The following SLC2A11 variants were observed in gnomAD, a reference collection of about 807,000 sequenced individuals.
SLC2A11 encodes the protein solute carrier family 2, facilitated glucose transporter member 11.
Under a neutral mutation model 52.1 loss-of-function variants are expected in SLC2A11, and 43 were observed. That is an observed-to-expected ratio of 0.82 (90% confidence interval 0.65 to 1.06). The LOEUF (loss-of-function observed/expected upper bound fraction) is 1.06. SLC2A11 is among the 50% of genes least tolerant of loss of function. SLC2A11 has a pLI of 0.00. For synonymous variants in SLC2A11, 261 were observed against 277.6 expected (o/e 0.94, Z 0.59); for missense variants, 582 against 654.2 (o/e 0.89, Z 1.20).
chr22:23,885,142 C>T lies in SLC2A11; in HGVS notation c.*293C>T, dbSNP rs1193442890. 2 of 510,088 alleles carry T rather than the reference C, an allele frequency of 3.9e-6. No homozygotes were observed. Among genetic ancestry groups the T allele is most frequent in the African/African-American group, 2.0e-5 (1 of 51,026 alleles). 31.6% of individuals were successfully genotyped at this position (510,088 alleles called of 1,614,324 possible). ...CCAAGGTGGGAGGATCAATTGAGGC[C>T]AGAGTTTGAAACCAGCCTAGGTAAC... is the stretch of plus-strand genomic sequence containing the variant. On this transcript the variant is annotated 3_prime_UTR_variant, in exon 12 of 12. Transcript: ENST00000316185.
At chr22:23,868,760 A>C in intron 3 of SLC2A11, 119 bp downstream of exon 3, 1 of 1,227,408 alleles carries the variant, frequency 8.1e-7, no homozygotes, top group Non-Finnish European at 1.1e-6. Context: ...TCAGCTCCTC[A>C]TCCAGCCTCT....
chr22:23,857,586 C>A (rs1009406220), upstream of SLC2A11: 5 of 1,475,478 alleles, frequency 3.4e-6, no homozygotes, highest in South Asian at 2.4e-5. Context: ...AACCCCCCCC[C>A]CGCGGCGGCG....
At chr22:23,873,202 A>G (rs976287486) in intron 3 of SLC2A11, 1 of 151,882 alleles carries the variant, frequency 6.6e-6, no homozygotes, top group Admixed American at 6.6e-5. Context: ...TTGTATTTTT[A>G]GTAGAGACGG....
chr22:23,857,274 C>T, upstream of SLC2A11: 1 of 784,674 alleles, frequency 1.3e-6, no homozygotes, highest in Non-Finnish European at 2.1e-6. Context: ...GAGACTGTAG[C>T]AAAGGAGGGG....
Position 23,884,076 on chromosome 22 carries a change from T to G in SLC2A11, c.1171+52T>G. 1 of 1,590,248 alleles carries G rather than the reference T, an allele frequency of 6.3e-7. No individual in the cohort carries two copies. Among genetic ancestry groups the G allele is most frequent in the South Asian group, 1.1e-5 (1 of 89,010 alleles). ...ATCCATCATCACATAGAAGGAGTGA[T>G]GGGTGCCTGGGTGCACAGTGGGTGG... On this transcript the variant is annotated intron_variant, in intron 10 of 11. Transcript: ENST00000316185. The surrounding 1 kb of genome is among the most constrained non-coding windows in gnomAD (Gnocchi z 4.3).
chr22:23,859,930 G>T (rs1001049098), intron 1 of SLC2A11, among the ~76,000 whole-genome samples: 1 of 152,156 alleles, frequency 6.6e-6, no homozygotes, highest in East Asian at 1.9e-4. Flanking sequence ...AGAACAATTT[G>T]CCAGAACAAG....
chr22:23,857,908 C>A lies in SLC2A11; in HGVS notation c.-92C>A. 3 of 1,578,718 alleles carry A rather than the reference C, an allele frequency of 1.9e-6. No individual in the cohort carries two copies. Among genetic ancestry groups the A allele is most frequent in the Non-Finnish European group, 2.6e-6 (3 of 1,163,340 alleles). On this transcript the variant is annotated 5_prime_UTR_variant, in exon 1 of 12. Transcript: ENST00000316185. ...CCACTGGGCGCTGCGCGCTGCCCTT[C>A]CCTCCGCGCACAGGCTGCCGGCTCA...
rs192838318 is a variant in SLC2A11 at position 23,864,306 on chromosome 22, T to C, written c.129+2104T>C. 5.8e-4 allele frequency among the ~76,000 whole-genome samples: 88 copies of C among 152,250 alleles called. 1 individual carries two copies. The South Asian group carries it at 9.5e-3, about 16-fold the overall frequency. On this transcript the variant is annotated intron_variant, in intron 2 of 11. Transcript: ENST00000316185. ...TTTAGAAAGGGAGATCTGAGCTGGC[T>C]GCGTTGGTTTATTTTTTATTTATTT...
upstream of SLC2A11, chr22:23,856,994 G>A: frequency 6.2e-7 from 1 of 1,610,502 alleles, no homozygotes; most frequent in Non-Finnish European, 8.5e-7. Flanking sequence ...GAAGACTGGT[G>A]GGTCTATCTT....
upstream of SLC2A11, chr22:23,857,682 C>A (rs1469457840): frequency 5.2e-5 from 59 of 1,139,220 alleles, no homozygotes; most frequent in Non-Finnish European, 6.7e-5. Flanking sequence ...CCTCAGGCGC[C>A]CTCCGCGACA....
intron 1 of SLC2A11, among the ~76,000 whole-genome samples, chr22:23,858,474 A>G (rs962642865): frequency 1.3e-5 from 2 of 151,784 alleles, no homozygotes; most frequent in African/African-American, 4.8e-5. Context: ...TGCACTGCCC[A>G]CCGCTTCTAG....
intron 2 of SLC2A11, 107 bp downstream of exon 2, chr22:23,862,309 C>G: frequency 9.8e-7 from 1 of 1,023,216 alleles, no homozygotes; most frequent in Non-Finnish European, 1.5e-6. Context: ...CACTTTCTGC[C>G]ACAAGTTTGT....
rs1317643754 is a variant in SLC2A11, at chr22:23,884,084, TG to T, written c.1171+63del. The T allele has an allele frequency of 1.3e-6, 2 of 1,586,000 alleles. No individual in the cohort carries two copies. Among genetic ancestry groups the T allele is most frequent in the African/African-American group, 2.7e-5 (2 of 73,638 alleles). ...TCACATAGAAGGAGTGATGGGTGCC[TG>T]GGTGCACAGTGGGTGGGTGTGAATG... On this transcript the variant is annotated intron_variant, in intron 10 of 11. Transcript: ENST00000316185. This position sits in a 1 kb window ranked among gnomAD's most constrained non-coding sequence, Gnocchi z 4.3.
chr22:23,872,617 G>T (rs913164311), intron 3 of SLC2A11: 2 of 152,186 alleles, frequency 1.3e-5, no homozygotes, highest in African/African-American at 4.8e-5. Context: ...ACCACTCAAA[G>T]CTACCAGGTT....
At chr22:23,865,109 A>AAAAAAAAC (rs2032210837) in intron 2 of SLC2A11, 3 of 148,538 alleles carry the variant, frequency 2.0e-5, no homozygotes, top group Non-Finnish European at 4.5e-5. Flanking sequence ...CCTCTCAAAA[A>AAAAAAAAC]AAAAAAAAAA....
Position 23,882,782 on chromosome 22 carries a change from G to C in SLC2A11, c.906G>C (p.Val302=), listed in dbSNP as rs761194949. 3.6e-5 allele frequency: 58 copies of C among 1,613,420 alleles called. No individual in the cohort carries two copies. The highest frequency in any genetic ancestry group is 4.3e-5 in the Non-Finnish European group (51 of 1,179,764). ...NDSVYAYASS[V]FRKAGVPEAK... ...AGGTGTACGCCTACGCCTCCTCCGT[G>C]TTCCGGAAGGCAGGAGTGCCGGAAG... Residue 302 remains valine (V), a synonymous_variant, in exon 8 of 12, where the codon GTG becomes GTC. Coordinates refer to ENST00000316185, the MANE Select transcript of SLC2A11 (RefSeq NM_001024939.4).
chr22:23,877,529 G>A (rs1374680593), intron 5 of SLC2A11, 192 bp from the exon 6 acceptor site: 2 of 807,200 alleles, frequency 2.5e-6, no homozygotes, highest in Non-Finnish European at 4.3e-6. Context: ...GATGAGGTGG[G>A]GCAGTGGCCC....
At chr22:23,857,611 C>T (rs1601478932), upstream of SLC2A11, 1 of 1,238,452 alleles carries the variant, frequency 8.1e-7, no homozygotes, top group Non-Finnish European at 1.2e-6. Flanking sequence ...CCCCCCAACA[C>T]GCTGGGGCGA....
intron 8 of SLC2A11, chr22:23,883,300 G>A (rs966208256): frequency 6.3e-5 from 20 of 319,748 alleles, no homozygotes; most frequent in East Asian, 3.9e-4. Flanking sequence ...GTGAAACCCC[G>A]TCTCTACAAA....
Sources: gnomAD v4.1 joint callset for allele counts (sites outside exome capture counted in the v4.1 genomes callset) on GRCh38, gnomAD v4.1.1 for gene constraint, Gnocchi (gnomAD v3.1) non-coding constraint, MANE v1.5 for transcripts, NCBI Gene and HGNC (gene_info 2026-07-23, HGNC 2026-07-21) for gene names.